The following SGMS1 variants were observed in gnomAD, a reference collection of about 807,000 sequenced individuals.
The protein encoded by SGMS1 is phosphatidylcholine:ceramide cholinephosphotransferase 1.
In SGMS1, 13 loss-of-function variants were observed where a neutral mutation model predicts 46.2. The ratio of observed to expected loss-of-function variants is 0.28; its 90% CI spans 0.18 to 0.45. SGMS1 has a LOEUF of 0.45. Ranked by LOEUF, SGMS1 falls within the 20% of genes least tolerant of loss-of-function variation. SGMS1 has a pLI of 1.00. For synonymous variants in SGMS1, 203 were observed against 187.8 expected (o/e 1.08, Z -0.66); for missense variants, 324 against 519.9 (o/e 0.62, Z 3.66).
At chr10:50,625,113 G>A (rs1588897239), upstream of SGMS1, 2 of 952,010 alleles carry the variant, frequency 2.1e-6, no homozygotes, top group East Asian at 2.3e-4. Context: ...GTCCTGTACC[G>A]ACCCCTGGCT....
intron 6 of SGMS1, among the ~76,000 whole-genome samples, chr10:50,387,627 G>C (rs1255022223): frequency 6.6e-6 from 1 of 152,102 alleles, no homozygotes; most frequent in Non-Finnish European, 1.5e-5. Flanking sequence ...ATATCCTTCA[G>C]GACAAATCTA....
chr10:50,382,152 G>T (rs1848615796), intron 6 of SGMS1, among the ~76,000 whole-genome samples: 1 of 152,128 alleles, frequency 6.6e-6, no homozygotes, highest in Admixed American at 6.6e-5. Context: ...TAGAAATTAA[G>T]AATTGGGATT....
At chr10:50,358,671 G>A (rs1168384130) in intron 6 of SGMS1, among the ~76,000 whole-genome samples, 1 of 152,158 alleles carries the variant, frequency 6.6e-6, no homozygotes, top group Non-Finnish European at 1.5e-5. Flanking sequence ...CCTCCAGCCT[G>A]AGCAACAGAG....
chr10:50,372,217 G>T (rs573485767), intron 6 of SGMS1, among the ~76,000 whole-genome samples: 1 of 152,334 alleles, frequency 6.6e-6, no homozygotes, highest in African/African-American at 2.4e-5. Context: ...ACTAGAGAAA[G>T]AAGGTGGCCA....
At chr10:50,462,400 T>A (rs539089057) in intron 4 of SGMS1, among the ~76,000 whole-genome samples, 1 of 152,370 alleles carries the variant, frequency 6.6e-6, no homozygotes, top group South Asian at 2.1e-4. Flanking sequence ...GAGAGTATCA[T>A]CTTAAATTCA....
intron 7 of SGMS1, among the ~76,000 whole-genome samples, chr10:50,341,025 T>A (rs916392903): frequency 1.3e-5 from 2 of 152,140 alleles, no homozygotes; most frequent in African/African-American, 4.8e-5. Context: ...CACCTCCTAG[T>A]GGAGATTGGG....
At chr10:50,430,856 T>C (rs556985565) in intron 6 of SGMS1, among the ~76,000 whole-genome samples, 1 of 152,232 alleles carries the variant, frequency 6.6e-6, no homozygotes, top group South Asian at 2.1e-4. Context: ...AAATGTATCG[T>C]CAAAAGCAAC....
At chr10:50,585,828 A>T (rs1838478267) in intron 2 of SGMS1, among the ~76,000 whole-genome samples, 1 of 152,178 alleles carries the variant, frequency 6.6e-6, no homozygotes, top group Non-Finnish European at 1.5e-5. Context: ...TACAATAGAC[A>T]CTCTGTAAAT....
At chr10:50,601,533 A>C (rs1030814795) in intron 1 of SGMS1, among the ~76,000 whole-genome samples, 1 of 152,242 alleles carries the variant, frequency 6.6e-6, no homozygotes, top group East Asian at 1.9e-4. Flanking sequence ...CAAAGTGAGA[A>C]CATACCTGAC....
intron 9 of SGMS1, 40 bp from the exon 10 acceptor site, chr10:50,308,188 A>G (rs747325109): frequency 3.0e-5 from 48 of 1,591,238 alleles, no homozygotes; most frequent in Non-Finnish European, 4.0e-5. Flanking sequence ...CATTATTCAA[A>G]TGACATTAAG....
Position 50,450,644 on chromosome 10 carries a change from G to A in SGMS1, c.-313+10029C>T, listed in dbSNP as rs185004613. 7.4e-3 allele frequency among the ~76,000 whole-genome samples: 1,131 copies of A among 151,928 alleles called. 6 individuals carry two copies. The highest frequency in any genetic ancestry group is 0.013 in the Non-Finnish European group (874 of 67,902). On this transcript the variant is annotated intron_variant, in intron 5 of 10. Coordinates refer to ENST00000361781, the MANE Select transcript of SGMS1 (RefSeq NM_147156.4). ...ATAGTTCAGGAAGAAATAAATATAG[G>A]AAGTTAATATAAAAATATCCAACAC...
intron 3 of SGMS1, among the ~76,000 whole-genome samples, chr10:50,513,536 ACTT>A (rs1478909185): frequency 6.6e-6 from 1 of 152,148 alleles, no homozygotes; most frequent in African/African-American, 2.4e-5. Flanking sequence ...TGACACAAAG[ACTT>A]CTTCTAATCC....
intron 6 of SGMS1, among the ~76,000 whole-genome samples, chr10:50,379,323 A>G (rs891008780): frequency 2.0e-5 from 3 of 152,182 alleles, no homozygotes; most frequent in African/African-American, 7.2e-5. Context: ...ACAGAATACC[A>G]TGTGGTCATT....
intron 6 of SGMS1, among the ~76,000 whole-genome samples, chr10:50,352,294 A>G (rs1848032286): frequency 6.6e-6 from 1 of 152,132 alleles, no homozygotes; most frequent in Non-Finnish European, 1.5e-5. Flanking sequence ...GAATTCACAC[A>G]CTGTGGTGTT....
intron 1 of SGMS1, among the ~76,000 whole-genome samples, chr10:50,607,830 T>A (rs888122732): frequency 5.3e-5 from 8 of 152,198 alleles, no homozygotes; most frequent in Non-Finnish European, 1.2e-4. Context: ...GTCAGTTATA[T>A]GACAAAAGAT....
intron 6 of SGMS1, among the ~76,000 whole-genome samples, chr10:50,354,828 G>A (rs947838511): frequency 6.6e-6 from 1 of 152,102 alleles, no homozygotes; most frequent in African/African-American, 2.4e-5. Flanking sequence ...GCAGCCAAAA[G>A]ACACATGAAA....
intron 2 of SGMS1, among the ~76,000 whole-genome samples, chr10:50,525,492 C>A (rs1225413294): frequency 2.0e-5 from 3 of 152,100 alleles, no homozygotes; most frequent in Non-Finnish European, 4.4e-5. Context: ...TGGTAGAGAC[C>A]AAGATGCTTG....
chr10:50,521,500 A>T (rs1420717395), intron 2 of SGMS1, among the ~76,000 whole-genome samples: 1 of 152,182 alleles, frequency 6.6e-6, no homozygotes, highest in African/African-American at 2.4e-5. Flanking sequence ...AGTTAACCTA[A>T]TAATGTCCTT....
At chr10:50,616,234 C>T (rs1257449148) in intron 1 of SGMS1, among the ~76,000 whole-genome samples, 5 of 151,838 alleles carry the variant, frequency 3.3e-5, no homozygotes, top group African/African-American at 9.7e-5. Context: ...CCCACATCAG[C>T]CCCCCCGCCC....
Sources: gnomAD v4.1 joint callset for allele counts (sites outside exome capture counted in the v4.1 genomes callset) on GRCh38, gnomAD v4.1.1 for gene constraint, MANE v1.5 for transcripts, NCBI Gene and HGNC (gene_info 2026-07-23, HGNC 2026-07-21) for gene names.